COL24A1: variants seen among roughly 807,000 people sequenced by gnomAD.
COL24A1 encodes the protein collagen type XXIV alpha 1 chain, also known as collagen alpha-1(XXIV) chain.
Under a neutral mutation model 253.9 loss-of-function variants are expected in COL24A1, and 224 were observed. The observed-to-expected ratio is 0.88, with a 90% confidence interval of 0.79 to 0.99. The LOEUF is 0.99. Among genes scored for constraint, COL24A1 ranks in the 50% least tolerant of loss-of-function variants. COL24A1 has a pLI of 0.00. For missense variants in COL24A1, 2,131 were observed against 2,068.5 expected (o/e 1.03, Z -0.59); for synonymous variants, 685 against 673.7 (o/e 1.02, Z -0.26).
intron 10 of COL24A1, among the ~76,000 whole-genome samples, chr1:86,055,756 TAATA>T (rs1700618688): frequency 6.6e-6 from 1 of 152,140 alleles, no homozygotes; most frequent in Admixed American, 6.6e-5. Flanking sequence ...CATGACCATT[TAATA>T]AATAATGAGA....
intron 24 of COL24A1, among the ~76,000 whole-genome samples, chr1:85,948,489 A>C (rs980809195): frequency 1.5e-5 from 2 of 133,228 alleles, no homozygotes; most frequent in Non-Finnish European, 3.1e-5. Flanking sequence ...GCGCCACTGC[A>C]CTCCAGCCTG....
intron 19 of COL24A1, among the ~76,000 whole-genome samples, chr1:86,011,934 C>G (rs1283391810): frequency 6.6e-6 from 1 of 152,038 alleles, no homozygotes. Flanking sequence ...GGAGCAACCC[C>G]CAATGATTCT....
Position 85,875,760 on chromosome 1 carries a change from C to CAT in COL24A1, c.3031-431_3031-430insAT, listed in dbSNP as rs1336967751. ...ACACACACACACACACACACACACA[C>CAT]ACACACAGAGCTTCTTTTCCAGCCT... On this transcript the variant is annotated intron_variant, in intron 33 of 59. Transcript: ENST00000370571. 9.1e-4 allele frequency among the ~76,000 whole-genome samples: 128 copies of CAT among 140,802 alleles called. 4 individuals are homozygous for CAT. Among genetic ancestry groups the CAT allele is most frequent in the African/African-American group, 3.2e-3 (125 of 38,542 alleles). The allele number at this position is 140,802 out of a possible 152,430, so 92.4% of individuals were successfully genotyped here. A position where few individuals can be genotyped will look rare whatever the true frequency, so the allele number is the denominator to read the frequency against.
intron 19 of COL24A1, among the ~76,000 whole-genome samples, chr1:86,010,741 C>A (rs922325376): frequency 6.6e-6 from 1 of 151,988 alleles, no homozygotes; most frequent in East Asian, 1.9e-4. Flanking sequence ...TACATCCACA[C>A]AATGAAGTAC....
intron 52 of COL24A1, among the ~76,000 whole-genome samples, chr1:85,780,432 C>T (rs1669031597): frequency 6.6e-6 from 1 of 152,098 alleles, no homozygotes; most frequent in Admixed American, 6.6e-5. Context: ...AAAACTTTCC[C>T]AACATCACTT....
intron 38 of COL24A1, among the ~76,000 whole-genome samples, chr1:85,848,641 T>C (rs1277331066): frequency 1.3e-5 from 2 of 152,166 alleles, no homozygotes; most frequent in Non-Finnish European, 2.9e-5. Context: ...CACCAAAATA[T>C]AGCTGTTCTT....
intron 32 of COL24A1, among the ~76,000 whole-genome samples, chr1:85,883,231 C>T (rs2102679018): frequency 6.7e-6 from 1 of 148,246 alleles, no homozygotes; most frequent in South Asian, 2.2e-4. Flanking sequence ...ATGTCTATTT[C>T]TTTTTTGAGA....
intron 37 of COL24A1, among the ~76,000 whole-genome samples, chr1:85,858,618 TCC>T (rs1167624353): frequency 6.0e-4 from 83 of 138,810 alleles, no homozygotes; most frequent in African/African-American, 2.1e-3. Context: ...CCTTATTTTC[TCC>T]CTCCTTCCTT....
chr1:86,067,961 A>C (rs1010147299), intron 7 of COL24A1, among the ~76,000 whole-genome samples: 2 of 152,256 alleles, frequency 1.3e-5, no homozygotes, highest in South Asian at 4.1e-4. Flanking sequence ...ACATTCCTTA[A>C]GGAATGACAA....
intron 3 of COL24A1, among the ~76,000 whole-genome samples, chr1:86,118,094 ACT>A (rs1317089769): frequency 6.7e-6 from 1 of 148,986 alleles, no homozygotes; most frequent in African/African-American, 2.5e-5. Context: ...ATGGAGTCTC[ACT>A]CTGTCACCTA....
At chr1:86,021,838 G>T (rs1372297749) in intron 18 of COL24A1, among the ~76,000 whole-genome samples, 1 of 151,960 alleles carries the variant, frequency 6.6e-6, no homozygotes, top group Admixed American at 6.6e-5. Flanking sequence ...GAATATTTTG[G>T]TCCACAAGAG....
chr1:85,783,626 T>C, intron 50 of COL24A1, 68 bp from the exon 51 acceptor site: 1 of 1,355,240 alleles, frequency 7.4e-7, no homozygotes, highest in Non-Finnish European at 1.1e-6. Context: ...CAAAACTATA[T>C]AAATCTATCA....
intron 24 of COL24A1, among the ~76,000 whole-genome samples, chr1:85,922,233 G>A (rs1686598904): frequency 6.6e-6 from 1 of 152,170 alleles, no homozygotes; most frequent in South Asian, 2.1e-4. Context: ...AACCAAGTTG[G>A]AAAACACTCT....
chr1:86,110,828 CA>C (rs1190411592), intron 5 of COL24A1, among the ~76,000 whole-genome samples: 1 of 151,940 alleles, frequency 6.6e-6, no homozygotes, highest in African/African-American at 2.4e-5. Flanking sequence ...CCCCGCCCCC[CA>C]CACCCCATGG....
In COL24A1 at chr1:85,908,643, T is replaced by C; in HGVS notation, c.2679A>G (p.Pro893=). The part of the protein sequence containing the change: ...PQGEKGVMGY[P]GPPGVPGPIG... ...TAGGTCCTGGAACCCCAGGAGGACC[T>C]GGATATCCCTATAATTTAAGGAAAA... Residue 893 remains proline, a synonymous_variant, in exon 27 of 60, where the codon CCA becomes CCG. Coordinates refer to ENST00000370571, the MANE Select transcript of COL24A1 (RefSeq NM_152890.7). The C allele has an allele frequency of 7.1e-7, 1 of 1,414,864 alleles. No individual in the cohort carries two copies. The highest frequency in any genetic ancestry group is 1.6e-5 in the South Asian group (1 of 62,580). The allele number at this position is 1,414,864 out of a possible 1,614,324, so 87.6% of individuals were successfully genotyped here. A position where few individuals can be genotyped will look rare whatever the true frequency, so the allele number is the denominator to read the frequency against.
chr1:85,886,665 A>T (rs1571083113), intron 32 of COL24A1, among the ~76,000 whole-genome samples: 1 of 151,944 alleles, frequency 6.6e-6, no homozygotes, highest in East Asian at 1.9e-4. Context: ...ACTCTGTCTT[A>T]AAAAAGAAAA....
intron 37 of COL24A1, among the ~76,000 whole-genome samples, chr1:85,857,255 T>C (rs896470005): frequency 6.6e-6 from 1 of 151,964 alleles, no homozygotes; most frequent in Non-Finnish European, 1.5e-5. Flanking sequence ...CTATATGATG[T>C]AGATGGCAAC....
chr1:85,796,226 G>A (rs555539214), intron 47 of COL24A1, among the ~76,000 whole-genome samples: 1 of 152,258 alleles, frequency 6.6e-6, no homozygotes, highest in Non-Finnish European at 1.5e-5. Context: ...CTCACATCAA[G>A]GGTATACAAT....
At chr1:85,736,788 A>C (rs1447776657) in intron 58 of COL24A1, among the ~76,000 whole-genome samples, 1 of 152,224 alleles carries the variant, frequency 6.6e-6, no homozygotes, top group East Asian at 1.9e-4. Flanking sequence ...TTTGGTTTCA[A>C]TATATGTTAT....
Sources: gnomAD v4.1 joint callset for allele counts (sites outside exome capture counted in the v4.1 genomes callset) on GRCh38, gnomAD v4.1.1 for gene constraint, MANE v1.5 for transcripts, NCBI Gene and HGNC (gene_info 2026-07-23, HGNC 2026-07-21) for gene names.